Variants in NEDD4L observed in about 807,000 individuals in gnomAD.
NEDD4L encodes NEDD4 like E3 ubiquitin protein ligase.
NEDD4L carries 54 observed loss-of-function variants against 148.9 expected under a neutral mutation model. That is an observed-to-expected ratio of 0.36 (90% CI 0.29 to 0.45). The LOEUF is 0.45. Among genes scored for constraint, NEDD4L ranks in the 20% least tolerant of loss-of-function variants. NEDD4L has a pLI of 1.00. For synonymous variants in NEDD4L, 433 were observed against 440.7 expected (o/e 0.98, Z 0.22); for missense variants, 856 against 1,233.8 (o/e 0.69, Z 4.59).
chr18:58,288,532 TTAACTGAATTTTATAG>T (rs1183843737), intron 5 of NEDD4L, among the ~76,000 whole-genome samples: 3 of 152,244 alleles, frequency 2.0e-5, no homozygotes, highest in Admixed American at 6.5e-5. Flanking sequence ...AGTGAGTGAT[TTAACTGAATTTTATAG>T]TTTAATATTG....
intron 1 of NEDD4L, among the ~76,000 whole-genome samples, chr18:58,121,492 C>T (rs2086237594): frequency 6.6e-6 from 1 of 151,720 alleles, no homozygotes; most frequent in Non-Finnish European, 1.5e-5. Flanking sequence ...GGCCCTGGCT[C>T]ACTGCAGGCT....
chr18:58,256,119 G>A lies in NEDD4L; in HGVS notation c.297+4065G>A, dbSNP rs1600304347. ...GGGAGCTCCCCTCCGAGGGCAGCCC[G>A]GGACCCAGGGCTCCAGGTCAACGGC... is the stretch of plus-strand genomic sequence containing the variant. On this transcript the variant is annotated intron_variant, in intron 5 of 30. Coordinates refer to ENST00000400345, the MANE Select transcript of NEDD4L (RefSeq NM_001144967.3). The surrounding 1 kb of genome is among the most constrained non-coding windows in gnomAD (Gnocchi z 5.2). The A allele has an allele frequency of 3.3e-6, 4 of 1,225,996 alleles. No individual in the cohort carries two copies. The African/African-American group carries it at 4.7e-5, about 14-fold the overall frequency. The allele number at this position is 1,225,996 out of a possible 1,614,324, so 75.9% of individuals were successfully genotyped here.
intron 1 of NEDD4L, among the ~76,000 whole-genome samples, chr18:58,062,623 G>T (rs2082383179): frequency 6.6e-6 from 1 of 152,186 alleles, no homozygotes; most frequent in African/African-American, 2.4e-5. Flanking sequence ...CGCGGCTGCT[G>T]CTTTTCAGAT....
intron 3 of NEDD4L, among the ~76,000 whole-genome samples, chr18:58,245,879 G>A (rs1456417159): frequency 1.0e-5 from 1 of 98,076 alleles, no homozygotes; most frequent in Non-Finnish European, 2.0e-5. Context: ...TGTATTTTTA[G>A]TAGAGACAGG....
rs1298414766 is a variant in NEDD4L, at chr18:58,156,250, C to T, written c.49-9538C>T. On this transcript the variant is annotated intron_variant, in intron 1 of 30. Coordinates refer to ENST00000400345, the MANE Select transcript of NEDD4L (RefSeq NM_001144967.3). ...AACATCTCTTGGAGAGTGGGTTAGCCACCATAAATTGTTTTGGGACTTCGG... is the reference window on the plus strand; with the variant it reads ...AACATCTCTTGGAGAGTGGGTTAGCTACCATAAATTGTTTTGGGACTTCGG... Among the ~76,000 whole-genome samples the T allele has an allele frequency of 3.3e-5, 5 of 152,182 alleles. 1 individual carries two copies. Among genetic ancestry groups the T allele is most frequent in the Middle Eastern group, 3.2e-3 (1 of 316 alleles).
chr18:58,324,941 TTAC>T, intron 8 of NEDD4L, 52 bp from the exon 9 acceptor site: 3 of 1,529,436 alleles, frequency 2.0e-6, no homozygotes, highest in Non-Finnish European at 2.7e-6. Flanking sequence ...TGATGACCTC[TTAC>T]TCACAGCCGA....
chr18:58,272,526 G>T (rs895982510), intron 5 of NEDD4L, among the ~76,000 whole-genome samples: 3 of 151,964 alleles, frequency 2.0e-5, no homozygotes, highest in African/African-American at 7.3e-5. Context: ...TATTCGGGAG[G>T]TAGGAGGTAG....
chr18:58,145,893 G>A (rs7227001), intron 1 of NEDD4L, among the ~76,000 whole-genome samples: 49,318 of 151,878 alleles, frequency 0.32, 8,248 homozygotes, highest in African/African-American at 0.36. Context: ...ATTGAAAAAT[G>A]TACATTTTTT....
Position 58,383,334 on chromosome 18 carries a change from A to G in NEDD4L, c.2426+15A>G, listed in dbSNP as rs574245896. The G allele has an allele frequency of 6.4e-5, 88 of 1,373,684 alleles. No homozygotes were observed. In the East Asian group the frequency reaches 2.2e-3, roughly 34 times the overall value. 85.1% of individuals were successfully genotyped at this position (1,373,684 alleles called of 1,614,324 possible). A position where few individuals can be genotyped will look rare whatever the true frequency, so the allele number is the denominator to read the frequency against. On this transcript the variant is annotated intron_variant, in intron 25 of 30. Coordinates refer to ENST00000400345, the MANE Select transcript of NEDD4L (RefSeq NM_001144967.3). Reference sequence around the variant, plus strand: ...GAATATATCGAGTATGTATACACATATTTACTGCCTTTTCTTTGAATAATT... The same window carrying G: ...GAATATATCGAGTATGTATACACATGTTTACTGCCTTTTCTTTGAATAATT...
intron 1 of NEDD4L, among the ~76,000 whole-genome samples, chr18:58,125,567 C>T (rs1237452175): frequency 6.6e-6 from 1 of 152,136 alleles, no homozygotes; most frequent in Non-Finnish European, 1.5e-5. Flanking sequence ...CCTCATGCCT[C>T]TGAGCCCTTA....
intron 23 of NEDD4L, 116 bp downstream of exon 23, chr18:58,370,583 A>G: frequency 1.4e-6 from 1 of 724,286 alleles, no homozygotes; most frequent in Non-Finnish European, 2.6e-6. Flanking sequence ...ATTCCATGTG[A>G]ACAACAGGAG....
intron 2 of NEDD4L, among the ~76,000 whole-genome samples, chr18:58,201,658 A>G (rs1225234014): frequency 6.6e-6 from 1 of 152,224 alleles, no homozygotes. Context: ...ACGTTCGTGT[A>G]TTAAGGCAAC....
In NEDD4L at chr18:58,397,175, A is replaced by G. The variant is rs745477244; in HGVS notation, c.*906A>G. 7.2e-5 allele frequency: 11 copies of G among 152,582 alleles called. No homozygotes were observed. Among genetic ancestry groups the G allele is most frequent in the Admixed American group, 7.2e-4 (11 of 15,278 alleles). The allele number at this position is 152,582 out of a possible 1,614,324, so 9.5% of individuals were successfully genotyped here. ...ATTCTATTTCCTCTTTGCTGTTTGT[A>G]GTAGAGACATTTTGAATGAAACTTG... On this transcript the variant is annotated 3_prime_UTR_variant, in exon 31 of 31. Transcript: ENST00000400345.
At chr18:58,174,381 A>G (rs770486504) in intron 2 of NEDD4L, among the ~76,000 whole-genome samples, 3 of 152,286 alleles carry the variant, frequency 2.0e-5, no homozygotes, top group Middle Eastern at 3.4e-3. Context: ...CGTGGGTTTC[A>G]TCCGGGACCA....
chr18:58,330,806 A>C lies in NEDD4L; in HGVS notation c.882A>C (p.Pro294=). 1 of 1,613,610 alleles carries C rather than the reference A, an allele frequency of 6.2e-7. No individual in the cohort carries two copies. Among genetic ancestry groups the C allele is most frequent in the Non-Finnish European group, 8.5e-7 (1 of 1,179,736 alleles). ...GDSLGLALPP[P]PASPGSRTSP... ...CTCTCGGTCTGGCTCTGCCCCCACCACCGGCCTCCCCAGGATCTCGGACCA... is the reference window on the plus strand; with the variant it reads ...CTCTCGGTCTGGCTCTGCCCCCACCCCCGGCCTCCCCAGGATCTCGGACCA... The change falls in exon 11 of 31, where the codon CCA becomes CCC. Residue 294 remains proline (P), a synonymous_variant. Coordinates refer to ENST00000400345, the MANE Select transcript of NEDD4L (RefSeq NM_001144967.3).
At chr18:58,357,331 C>G in intron 19 of NEDD4L, 79 bp downstream of exon 19, 1 of 1,212,092 alleles carries the variant, frequency 8.3e-7, no homozygotes, top group Non-Finnish European at 1.2e-6. Context: ...TTACTGATAA[C>G]GGTGATGTCA....
intron 18 of NEDD4L, among the ~76,000 whole-genome samples, chr18:58,354,138 G>A (rs372942560): frequency 1.3e-5 from 2 of 152,290 alleles, no homozygotes; most frequent in Admixed American, 1.3e-4. Context: ...TGGGCCTCAG[G>A]TGGGAGGTTA....
intron 2 of NEDD4L, among the ~76,000 whole-genome samples, chr18:58,215,189 A>G (rs1431469071): frequency 6.6e-6 from 1 of 152,230 alleles, no homozygotes; most frequent in Non-Finnish European, 1.5e-5. Context: ...TCAAAGGACA[A>G]GAACATTTAC....
chr18:58,196,747 C>T (rs1000638161), intron 2 of NEDD4L, among the ~76,000 whole-genome samples: 2 of 140,598 alleles, frequency 1.4e-5, no homozygotes, highest in African/African-American at 5.4e-5. Context: ...TAACATCAGC[C>T]ACAGGTAATA....
Sources: gnomAD v4.1 joint callset for allele counts (sites outside exome capture counted in the v4.1 genomes callset) on GRCh38, gnomAD v4.1.1 for gene constraint, Gnocchi (gnomAD v3.1) non-coding constraint, MANE v1.5 for transcripts, NCBI Gene and HGNC (gene_info 2026-07-23, HGNC 2026-07-21) for gene names.